SMYD3: variants seen among roughly 807,000 people sequenced by gnomAD.
SMYD3 encodes histone-lysine N-methyltransferase SMYD3.
In SMYD3, 36 loss-of-function variants were observed where a neutral mutation model predicts 57.7. That is an observed-to-expected ratio of 0.62 (90% CI 0.48 to 0.82). The LOEUF is 0.82. SMYD3 is among the 40% of genes least tolerant of loss of function. The pLI is 0.00. For synonymous variants in SMYD3, 211 were observed against 195.0 expected, an observed-to-expected ratio of 1.08 and a Z score of -0.68; for missense variants, 515 against 538.8, an observed-to-expected ratio of 0.96 and a Z score of 0.44.
intron 5 of SMYD3, among the ~76,000 whole-genome samples, chr1:246,199,792 G>C (rs12027835): frequency 0.084 from 12,765 of 152,302 alleles, 731 homozygotes; most frequent in East Asian, 0.21. Context: ...CATAGATGCT[G>C]AGCGAGAATG....
chr1:245,978,298 T>C (rs2058502186), intron 5 of SMYD3, among the ~76,000 whole-genome samples: 1 of 152,236 alleles, frequency 6.6e-6, no homozygotes, highest in African/African-American at 2.4e-5. Flanking sequence ...GTGCCTCTCA[T>C]GATACCCAAC....
At chr1:246,423,817 G>T (rs1442831568) in intron 1 of SMYD3, among the ~76,000 whole-genome samples, 1 of 152,130 alleles carries the variant, frequency 6.6e-6, no homozygotes, top group Non-Finnish European at 1.5e-5. Flanking sequence ...CTAAGTTTCA[G>T]AACAAGTAGA....
intron 3 of SMYD3, among the ~76,000 whole-genome samples, chr1:246,334,880 T>C (rs1183527745): frequency 6.6e-6 from 1 of 152,222 alleles, no homozygotes; most frequent in Non-Finnish European, 1.5e-5. Context: ...AGATGGAACC[T>C]ACTCCTGGTG....
At position 246,328,037 on chromosome 1, in the gene SMYD3, T is replaced by TA. The variant is rs752145632; in HGVS notation, c.395-701dup. Reference sequence around the variant, plus strand: ...GGTGGAACCCCATCTCTACTAAAAATATAAAAATCAGCAGGGCGTGGTGGT... The same window carrying TA: ...GGTGGAACCCCATCTCTACTAAAAATAATAAAAATCAGCAGGGCGTGGTGGT... On this transcript the variant is annotated intron_variant, in intron 4 of 11. Transcript: ENST00000490107. 1.1e-3 allele frequency among the ~76,000 whole-genome samples: 169 copies of TA among 152,012 alleles called. 2 individuals carry two copies. The Middle Eastern group carries it at 0.041, about 37-fold the overall frequency.
intron 11 of SMYD3, among the ~76,000 whole-genome samples, chr1:245,753,799 C>G (rs2045496977): frequency 6.6e-6 from 1 of 152,226 alleles, no homozygotes; most frequent in African/African-American, 2.4e-5. Context: ...CTCTGTGTCT[C>G]CCTTCTCCTA....
At chr1:246,432,802 A>G (rs1274018480) in intron 1 of SMYD3, among the ~76,000 whole-genome samples, 1 of 152,198 alleles carries the variant, frequency 6.6e-6, no homozygotes, top group African/African-American at 2.4e-5. Context: ...GCTTTTTTTA[A>G]TAAGTTTTCA....
chr1:246,219,371 G>A (rs1037466911), intron 5 of SMYD3, among the ~76,000 whole-genome samples: 6 of 152,042 alleles, frequency 3.9e-5, no homozygotes, highest in African/African-American at 1.2e-4. Context: ...GGGTAACTCT[G>A]GAGAAGAATC....
At chr1:246,414,685 G>A (rs2067030581) in intron 1 of SMYD3, among the ~76,000 whole-genome samples, 1 of 150,188 alleles carries the variant, frequency 6.7e-6, no homozygotes, top group Non-Finnish European at 1.5e-5. Context: ...AATCATACCA[G>A]GAAACTGAAG....
intron 5 of SMYD3, among the ~76,000 whole-genome samples, chr1:246,061,000 G>T (rs1241623532): frequency 6.6e-6 from 1 of 152,172 alleles, no homozygotes; most frequent in Non-Finnish European, 1.5e-5. Context: ...GGCCGAGGCG[G>T]GCGGATCATG....
chr1:246,234,393 C>A (rs1293441080), intron 5 of SMYD3, among the ~76,000 whole-genome samples: 2 of 152,016 alleles, frequency 1.3e-5, no homozygotes, highest in African/African-American at 4.8e-5. Flanking sequence ...ACATATACCA[C>A]ACAGAGGAGA....
At chr1:246,091,443 T>C (rs1211773151) in intron 5 of SMYD3, among the ~76,000 whole-genome samples, 1 of 148,156 alleles carries the variant, frequency 6.7e-6, no homozygotes, top group South Asian at 2.1e-4. Flanking sequence ...CCCCTCTCTA[T>C]AGAGAGAGAG....
chr1:246,289,968 A>G (rs1414608231), intron 5 of SMYD3, among the ~76,000 whole-genome samples: 2 of 152,214 alleles, frequency 1.3e-5, no homozygotes, highest in African/African-American at 4.8e-5. Flanking sequence ...CTGTGAGGAA[A>G]AAACTATCAT....
At chr1:246,112,194 G>T (rs918806044) in intron 5 of SMYD3, among the ~76,000 whole-genome samples, 2 of 152,148 alleles carry the variant, frequency 1.3e-5, no homozygotes, top group African/African-American at 4.8e-5. Flanking sequence ...ATTGCATATT[G>T]TAACTCTCTC....
chr1:245,912,946 C>T (rs4345780), intron 8 of SMYD3, among the ~76,000 whole-genome samples: 105,850 of 152,104 alleles, frequency 0.7, 41,560 homozygotes, highest in Non-Finnish European at 0.89. Context: ...TTGTGGAAAA[C>T]AGTGTGGCGA....
At chr1:246,286,718 G>C (rs2064573538) in intron 5 of SMYD3, among the ~76,000 whole-genome samples, 1 of 152,098 alleles carries the variant, frequency 6.6e-6, no homozygotes, top group Admixed American at 6.6e-5. Flanking sequence ...ATTAACTAAA[G>C]AGTACGTAGG....
chr1:246,222,325 G>A (rs554449186), intron 5 of SMYD3, among the ~76,000 whole-genome samples: 3 of 152,176 alleles, frequency 2.0e-5, no homozygotes, highest in Non-Finnish European at 2.9e-5. Flanking sequence ...GTATTATTAC[G>A]GACTTTATTA....
intron 5 of SMYD3, among the ~76,000 whole-genome samples, chr1:246,218,670 C>G (rs1358354443): frequency 2.6e-5 from 4 of 151,312 alleles, no homozygotes; most frequent in Admixed American, 6.6e-5. Flanking sequence ...GACTGGCTGA[C>G]TGCTATGCAA....
intron 9 of SMYD3, among the ~76,000 whole-genome samples, chr1:245,859,081 G>C (rs1467927283): frequency 6.6e-6 from 1 of 152,126 alleles, no homozygotes; most frequent in African/African-American, 2.4e-5. Flanking sequence ...AATTAAAGAT[G>C]CTTTAGAGAG....
chr1:246,088,563 T>G (rs2060765751), intron 5 of SMYD3, among the ~76,000 whole-genome samples: 1 of 138,942 alleles, frequency 7.2e-6, no homozygotes, highest in Admixed American at 7.1e-5. Context: ...TGAGCCGAGA[T>G]CATGCCACTG....
Sources: allele counts gnomAD v4.1 joint callset (sites outside exome capture counted in the v4.1 genomes callset), GRCh38; gene constraint gnomAD v4.1.1; transcripts MANE v1.5; gene names NCBI Gene and HGNC (gene_info 2026-07-23, HGNC 2026-07-21).